Variants in SRC observed in about 807,000 individuals in gnomAD.
SRC encodes SRC proto-oncogene, non-receptor tyrosine kinase.
Under a neutral mutation model 62.9 loss-of-function variants are expected in SRC, and 13 were observed. That is an observed-to-expected ratio of 0.21 (90% confidence interval 0.13 to 0.33). SRC has a LOEUF of 0.33. Among genes scored for constraint, SRC ranks in the 10% least tolerant of loss-of-function variants. SRC has a pLI of 1.00. For synonymous variants in SRC, 302 were observed against 317.5 expected, an observed-to-expected ratio of 0.95 and a Z score of 0.52; for missense variants, 457 against 737.3, an observed-to-expected ratio of 0.62 and a Z score of 4.40.
intron 1 of SRC, among the ~76,000 whole-genome samples, chr20:37,360,419 A>T (rs549012378): frequency 1.3e-5 from 2 of 151,856 alleles, no homozygotes; most frequent in South Asian, 4.2e-4. Flanking sequence ...TGTAGTGATG[A>T]GGTCTCTCTA....
rs548240334 is a variant in SRC, at chr20:37,351,944, G to A, written c.-247+5689G>A. Reference sequence around the variant, plus strand: ...GTATAGGAGGGGTGCGGTGCTGGGGGCAGGTGACCCTGACTCTCTGGGTTC... The same window carrying A: ...GTATAGGAGGGGTGCGGTGCTGGGGACAGGTGACCCTGACTCTCTGGGTTC... On this transcript the variant is annotated intron_variant, in intron 1 of 13. Transcript: ENST00000373578. The surrounding 1 kb of genome is among the most constrained non-coding windows in gnomAD (Gnocchi z 4.4). 1.4e-3 allele frequency among the ~76,000 whole-genome samples: 216 copies of A among 152,342 alleles called. 2 individuals carry two copies. Among genetic ancestry groups the A allele is most frequent in the African/African-American group, 5.0e-3 (209 of 41,594 alleles).
At chr20:37,364,195 G>A (rs1472498540) in intron 1 of SRC, among the ~76,000 whole-genome samples, 2 of 152,178 alleles carry the variant, frequency 1.3e-5, no homozygotes, top group Non-Finnish European at 2.9e-5. Context: ...TTTGAGGAAT[G>A]GGCTCTGGGG....
intron 2 of SRC, among the ~76,000 whole-genome samples, chr20:37,381,961 T>C (rs2070371304): frequency 6.6e-6 from 1 of 152,128 alleles, no homozygotes; most frequent in Admixed American, 6.5e-5. Flanking sequence ...CATACCCCCA[T>C]TGTGCAGCTG....
chr20:37,365,046 C>T (rs2070039786), intron 1 of SRC, among the ~76,000 whole-genome samples, 158 bp from the exon 2 acceptor site: 1 of 152,140 alleles, frequency 6.6e-6, no homozygotes, highest in Admixed American at 6.5e-5. Context: ...TGTTACAGTG[C>T]ACTGCCGTGT....
intron 5 of SRC, among the ~76,000 whole-genome samples, chr20:37,390,761 CTG>C (rs1167339885): frequency 6.6e-6 from 1 of 152,104 alleles, no homozygotes; most frequent in African/African-American, 2.4e-5. Context: ...GATGAGGAAA[CTG>C]AGACTGGCGA....
intron 2 of SRC, among the ~76,000 whole-genome samples, chr20:37,369,052 T>G (rs1363558724): frequency 6.6e-6 from 1 of 152,234 alleles, no homozygotes; most frequent in Non-Finnish European, 1.5e-5. Flanking sequence ...CTCCACTGGT[T>G]TATAAGTCTA....
intron 4 of SRC, among the ~76,000 whole-genome samples, chr20:37,385,285 C>T (rs2070436880): frequency 6.6e-6 from 1 of 152,210 alleles, no homozygotes; most frequent in South Asian, 2.1e-4. Flanking sequence ...AGGCGTGGAC[C>T]CTTCAGACGC....
chr20:37,377,834 T>C (rs1390725709), intron 2 of SRC, among the ~76,000 whole-genome samples: 1 of 152,222 alleles, frequency 6.6e-6, no homozygotes, highest in Non-Finnish European at 1.5e-5. Context: ...TGAAACATTG[T>C]GATGAATTTG....
At chr20:37,360,974 A>G (rs1372461074) in intron 1 of SRC, among the ~76,000 whole-genome samples, 2 of 152,196 alleles carry the variant, frequency 1.3e-5, no homozygotes, top group African/African-American at 4.8e-5. Flanking sequence ...TCTAGCTCTT[A>G]ATCCCTATGT....
rs56408406 is a variant in SRC at position 37,402,452 on chromosome 20, G to C, written c.1134G>C (p.Ala378=). 28 of 1,613,644 alleles carry C rather than the reference G, an allele frequency of 1.7e-5. No individual in the cohort carries two copies. Among genetic ancestry groups the C allele is most frequent in the Non-Finnish European group, 2.4e-5 (28 of 1,179,908 alleles). The change falls in exon 12 of 14, where the codon GCG becomes GCC. Residue 378 remains alanine, a synonymous_variant. Coordinates refer to ENST00000373578, the MANE Select transcript of SRC (RefSeq NM_198291.3). This position sits in a 1 kb window ranked among gnomAD's most constrained non-coding sequence, Gnocchi z 6.2. ...DMAAQIASGM[A]YVERMNYVHR... is the part of the protein sequence containing the mutation. Reference sequence around the variant, plus strand: ...GCCTGCAGATCGCCTCAGGCATGGCGTACGTGGAGCGGATGAACTACGTCC... The same window carrying C: ...GCCTGCAGATCGCCTCAGGCATGGCCTACGTGGAGCGGATGAACTACGTCC...
At position 37,402,002 on chromosome 20, in the gene SRC, C is replaced by CTT. The variant is rs377428918; in HGVS notation, c.1116+334_1116+335dup. On this transcript the variant is annotated intron_variant, in intron 11 of 13. Coordinates refer to ENST00000373578, the MANE Select transcript of SRC (RefSeq NM_198291.3). The surrounding 1 kb of genome is among the most constrained non-coding windows in gnomAD (Gnocchi z 6.2). ...TTGCTGTAGGCAGTGGTCAACAAGC[C>CTT]TTTTTTTTTTTCATTTAATCCTCAT... 2.2e-4 allele frequency: 65 copies of CTT among 301,288 alleles called. No homozygotes were observed. The highest frequency in any genetic ancestry group is 9.2e-4 in the African/African-American group (41 of 44,398). The allele number at this position is 301,288 out of a possible 1,614,324, so 18.7% of individuals were successfully genotyped here. A position where few individuals can be genotyped will look rare whatever the true frequency, so the allele number is the denominator to read the frequency against.
Position 37,396,042 on chromosome 20 carries a change from C to A in SRC, c.554-120C>A. On this transcript the variant is annotated intron_variant, in intron 7 of 13. Transcript: ENST00000373578. This position sits in a 1 kb window ranked among gnomAD's most constrained non-coding sequence, Gnocchi z 6.1. Reference sequence around the variant, plus strand: ...CTGGCTGTTGAGAGACAGGGTGGGCCTGGGGCCCCGCCTGGGCCTCCCTTC... The same window carrying A: ...CTGGCTGTTGAGAGACAGGGTGGGCATGGGGCCCCGCCTGGGCCTCCCTTC... 1 of 1,449,058 alleles carries A rather than the reference C, an allele frequency of 6.9e-7. No homozygotes were observed. Among genetic ancestry groups the A allele is most frequent in the Non-Finnish European group, 9.3e-7 (1 of 1,080,980 alleles). The allele number at this position is 1,449,058 out of a possible 1,614,324, so 89.8% of individuals were successfully genotyped here. A position where few individuals can be genotyped will look rare whatever the true frequency, so the allele number is the denominator to read the frequency against.
chr20:37,397,508 A>T lies in SRC; in HGVS notation c.704-191A>T, dbSNP rs529105698. 5.9e-5 allele frequency among the ~76,000 whole-genome samples: 9 copies of T among 152,300 alleles called. No homozygotes were observed. In the South Asian group the frequency reaches 1.9e-3, roughly 32 times the overall value. On this transcript the variant is annotated intron_variant, in intron 8 of 13. Coordinates refer to ENST00000373578, the MANE Select transcript of SRC (RefSeq NM_198291.3). This position sits in a 1 kb window ranked among gnomAD's most constrained non-coding sequence, Gnocchi z 4.1. ...ACTGACTGAATGACTGACTCAGCAG[A>T]TGCATAAAGCACTGTGGGCCTGTGT...
Position 37,384,653 on chromosome 20 carries a change from G to A in SRC, c.250+250G>A, listed in dbSNP as rs1208028058. ...GGGGTGTGGTTAATGGGTTCTAATTGGACGCTTAAGCCCAAGAAGAAGAAG... is the reference window on the plus strand; with the variant it reads ...GGGGTGTGGTTAATGGGTTCTAATTAGACGCTTAAGCCCAAGAAGAAGAAG... On this transcript the variant is annotated intron_variant, in intron 4 of 13. Transcript: ENST00000373578. The surrounding 1 kb of genome is among the most constrained non-coding windows in gnomAD (Gnocchi z 6.7). Among the ~76,000 whole-genome samples, 6 of 150,580 alleles carry A rather than the reference G, an allele frequency of 4.0e-5. No individual in the cohort carries two copies. Among genetic ancestry groups the A allele is most frequent in the Non-Finnish European group, 7.4e-5 (5 of 67,576 alleles).
Position 37,397,577 on chromosome 20 carries a change from A to T in SRC, c.704-122A>T. On this transcript the variant is annotated intron_variant, in intron 8 of 13. Coordinates refer to ENST00000373578, the MANE Select transcript of SRC (RefSeq NM_198291.3). This position sits in a 1 kb window ranked among gnomAD's most constrained non-coding sequence, Gnocchi z 4.1. ...ACACAGATGTAGATGCCTGGCTTTG[A>T]GGGCACCCTGCGTGTCCCCTGAAAT... is the stretch of plus-strand genomic sequence containing the variant. The T allele has an allele frequency of 7.4e-7, 1 of 1,344,710 alleles. No individual in the cohort carries two copies. 83.3% of individuals were successfully genotyped at this position (1,344,710 alleles called of 1,614,324 possible). A position where few individuals can be genotyped will look rare whatever the true frequency, so the allele number is the denominator to read the frequency against.
chr20:37,395,372 C>G (rs2070627378), intron 7 of SRC, among the ~76,000 whole-genome samples: 1 of 152,238 alleles, frequency 6.6e-6, no homozygotes. Flanking sequence ...AAGGCCTGTC[C>G]CTGGCTGCTG....
rs1218021168 is a variant in SRC, at chr20:37,397,267, C to T, written c.704-432C>T. ...CTTCCCTACTTAACCCCTCACCGTCCTGCACATCCAAGCTCAGTTGCTGCT... is the reference window on the plus strand; with the variant it reads ...CTTCCCTACTTAACCCCTCACCGTCTTGCACATCCAAGCTCAGTTGCTGCT... On this transcript the variant is annotated intron_variant, in intron 8 of 13. Transcript: ENST00000373578. The surrounding 1 kb of genome is among the most constrained non-coding windows in gnomAD (Gnocchi z 4.1). 2.0e-5 allele frequency among the ~76,000 whole-genome samples: 3 copies of T among 152,190 alleles called. No homozygotes were observed. Among genetic ancestry groups the T allele is most frequent in the Non-Finnish European group, 2.9e-5 (2 of 68,036 alleles).
intron 7 of SRC, among the ~76,000 whole-genome samples, chr20:37,394,850 G>A (rs1031382218): frequency 6.6e-6 from 1 of 152,150 alleles, no homozygotes; most frequent in Non-Finnish European, 1.5e-5. Flanking sequence ...CATCCATGTC[G>A]AGCCGTGCAT....
chr20:37,349,095 G>A (rs944143762), intron 1 of SRC, among the ~76,000 whole-genome samples: 2 of 152,142 alleles, frequency 1.3e-5, no homozygotes, highest in African/African-American at 4.8e-5. Context: ...GGGGCTGATC[G>A]GTGTCCCCTG....
Sources: allele counts gnomAD v4.1 joint callset (sites outside exome capture counted in the v4.1 genomes callset), GRCh38; gene constraint gnomAD v4.1.1; non-coding constraint Gnocchi (gnomAD v3.1); transcripts MANE v1.5; gene names NCBI Gene and HGNC (gene_info 2026-07-23, HGNC 2026-07-21).